DHX36: variants seen among roughly 807,000 people sequenced by gnomAD.
DHX36 encodes the protein ATP-dependent DNA/RNA helicase DHX36.
In DHX36, 50 loss-of-function variants were observed where a neutral mutation model predicts 139.0. That is an observed-to-expected ratio of 0.36 (90% CI 0.29 to 0.46). The LOEUF is 0.46. Among genes scored for constraint, DHX36 ranks in the 20% least tolerant of loss-of-function variants. DHX36 has a pLI of 1.00. For synonymous variants in DHX36, 425 were observed against 401.9 expected, an observed-to-expected ratio of 1.06 and a Z score of -0.69; for missense variants, 1,024 against 1,211.3, an observed-to-expected ratio of 0.85 and a Z score of 2.29.
At chr3:154,288,698 C>A (rs530212542) in intron 17 of DHX36, among the ~76,000 whole-genome samples, 168 bp downstream of exon 17, 1 of 152,198 alleles carries the variant, frequency 6.6e-6, no homozygotes, top group South Asian at 2.1e-4. Context: ...CTTTCTAATG[C>A]CTATCTCATA....
chr3:154,309,762 C>A lies in DHX36; in HGVS notation c.704G>T (p.Gly235Val). Residue 235 changes from glycine (G) to valine (V), a missense_variant, in exon 5 of 25, where the codon GGC becomes GTC. This residue lies in a region of DHX36 where 146 missense variants were observed against 215.0 expected (regional missense o/e 0.68). Transcript: ENST00000496811. ...VTVISGETGC[G>V]KTTQVTQFIL... Reference sequence around the variant, plus strand: ...GAACTGAGTAACTTGAGTGGTTTTGCCACAACCAGTTTCACCACTTATTAC... The same window carrying A: ...GAACTGAGTAACTTGAGTGGTTTTGACACAACCAGTTTCACCACTTATTAC... 6.2e-7 allele frequency: 1 copy of A among 1,612,378 alleles called. No individual in the cohort carries two copies. Among genetic ancestry groups the A allele is most frequent in the Non-Finnish European group, 8.5e-7 (1 of 1,179,172 alleles).
chr3:154,300,064 C>CTT, intron 11 of DHX36, 139 bp from the exon 12 acceptor site: 10 of 502,100 alleles, frequency 2.0e-5, no homozygotes, highest in Admixed American at 3.6e-5. Flanking sequence ...AGTATATAAG[C>CTT]TTTTTTTTTT....
At position 154,289,715 on chromosome 3, in the gene DHX36, T is replaced by C; in HGVS notation, c.1926A>G (p.Gln642=). The change falls in exon 16 of 25, where the codon CAA becomes CAG. Residue 642 remains glutamine, a synonymous_variant. Coordinates refer to ENST00000496811, the MANE Select transcript of DHX36 (RefSeq NM_020865.3). ...ATTCTCCCACCTAATTTACCTTTAT[T>C]TGTAAACAAAGTTCTTCCAAAGGAG... ...LRTPLEELCL[Q]IKILRLGGIA... is the part of the protein sequence containing the mutation. 4 of 1,588,480 alleles carry C rather than the reference T, an allele frequency of 2.5e-6. No individual in the cohort carries two copies. The highest frequency in any genetic ancestry group is 3.5e-6 in the Non-Finnish European group (4 of 1,158,216).
Position 154,276,068 on chromosome 3 carries a change from C to G in DHX36, c.*103G>C, listed in dbSNP as rs879087769. The G allele has an allele frequency of 8.9e-7, 1 of 1,117,390 alleles. No homozygotes were observed. The highest frequency in any genetic ancestry group is 1.6e-5 in the African/African-American group (1 of 63,970). 69.2% of individuals were successfully genotyped at this position (1,117,390 alleles called of 1,614,324 possible). On this transcript the variant is annotated 3_prime_UTR_variant, in exon 25 of 25. Coordinates refer to ENST00000496811, the MANE Select transcript of DHX36 (RefSeq NM_020865.3). Reference sequence around the variant, plus strand: ...ACCTACTGAAGGCTTCTACCTTACACATGAAAATTGTTCATGTCCCAGGGT... The same window carrying G: ...ACCTACTGAAGGCTTCTACCTTACAGATGAAAATTGTTCATGTCCCAGGGT...
chr3:154,314,325 G>A (rs1260362785), intron 3 of DHX36, among the ~76,000 whole-genome samples: 1 of 152,170 alleles, frequency 6.6e-6, no homozygotes, highest in Non-Finnish European at 1.5e-5. Context: ...AGGAAATTCA[G>A]CTTTCATCAG....
chr3:154,298,654 T>C (rs1456895787), intron 12 of DHX36, among the ~76,000 whole-genome samples: 2 of 152,042 alleles, frequency 1.3e-5, no homozygotes, highest in Non-Finnish European at 2.9e-5. Flanking sequence ...TGGTGGCTCA[T>C]GCCTGTAATC....
Position 154,273,948 on chromosome 3 carries a change from G to C in DHX36, c.*2223C>G, listed in dbSNP as rs1719070772. 6.6e-6 allele frequency: 1 copy of C among 152,162 alleles called. No homozygotes were observed. The highest frequency in any genetic ancestry group is 2.4e-5 in the African/African-American group (1 of 41,426). The allele number at this position is 152,162 out of a possible 1,614,324, so 9.4% of individuals were successfully genotyped here. ...TAAAACTCTTACATTGCAAAATCAA[G>C]AGTATAATACTCAGTGATGGATAGT... On this transcript the variant is annotated 3_prime_UTR_variant, in exon 25 of 25. Transcript: ENST00000496811.
intron 15 of DHX36, among the ~76,000 whole-genome samples, chr3:154,291,516 C>G (rs1266889386): frequency 6.6e-6 from 1 of 151,740 alleles, no homozygotes; most frequent in Non-Finnish European, 1.5e-5. Flanking sequence ...TCCCTGATAA[C>G]TGATTATTAG....
At chr3:154,312,873 A>G (rs1712821042) in intron 3 of DHX36, among the ~76,000 whole-genome samples, 1 of 107,766 alleles carries the variant, frequency 9.3e-6, no homozygotes, top group East Asian at 3.7e-4. Context: ...ATATATATAT[A>G]TATATATATA....
At chr3:154,297,709 CAAA>C (rs554782478) in intron 12 of DHX36, among the ~76,000 whole-genome samples, 3 of 90,158 alleles carry the variant, frequency 3.3e-5, no homozygotes, top group African/African-American at 4.2e-5. Flanking sequence ...GACTCCACCT[CAAA>C]AAAAAAAAAA....
rs1713325081 is a variant in DHX36 at position 154,324,385 on chromosome 3, C to T, written c.32G>A (p.Arg11His). The T allele has an allele frequency of 2.0e-5, 32 of 1,582,800 alleles. No individual in the cohort carries two copies. Among genetic ancestry groups the T allele is most frequent in the Non-Finnish European group, 2.8e-5 (32 of 1,161,954 alleles). Residue 11 changes from arginine (R) to histidine (H), a missense_variant, in exon 1 of 25, where the codon CGT becomes CAT. Around this residue, in one of 4 missense-constraint regions of DHX36, gnomAD observed 293 missense variants for 274.4 expected, o/e 1.07. Coordinates refer to ENST00000496811, the MANE Select transcript of DHX36 (RefSeq NM_020865.3). Reference sequence around the variant, plus strand: ...ACCGGAGCTGCGGGGACCCCCATCACGGCCCCAGTTCTGATGGTAGTCATA... The same window carrying T: ...ACCGGAGCTGCGGGGACCCCCATCATGGCCCCAGTTCTGATGGTAGTCATA... MSYDYHQNWG[R>H]DGGPRSSGGG...
At position 154,308,748 on chromosome 3, in the gene DHX36, T is replaced by C. The variant is rs1712612356; in HGVS notation, c.813+905A>G. The stretch of plus-strand genomic sequence containing the variant: ...AACAGTTCTGGATTTGGGAGCATTC[T>C]GGATTTCGTATAGTCAACCTGAACT... On this transcript the variant is annotated intron_variant, in intron 5 of 24. Transcript: ENST00000496811. 2.0e-5 allele frequency among the ~76,000 whole-genome samples: 3 copies of C among 152,308 alleles called. 1 individual carries two copies. In the South Asian group the frequency reaches 6.2e-4, roughly 32 times the overall value.
intron 3 of DHX36, 102 bp downstream of exon 3, chr3:154,314,944 G>T: frequency 1.3e-6 from 1 of 750,036 alleles, no homozygotes; most frequent in Non-Finnish European, 2.2e-6. Context: ...TCTTGTTGAG[G>T]ATCTCACTGA....
rs1381615850 is a variant in DHX36 at position 154,299,596 on chromosome 3, C to A, written c.1549+242G>T. 4.3e-5 allele frequency: 19 copies of A among 439,880 alleles called. No homozygotes were observed. In the Admixed American group the frequency reaches 6.8e-4, roughly 16 times the overall value. The allele number at this position is 439,880 out of a possible 1,614,324, so 27.2% of individuals were successfully genotyped here. ...TCAGAAACACTGGGCCAAGGGATTT[C>A]TTTTTTGCAGCAGTAAGTGAAAAAA... On this transcript the variant is annotated intron_variant, in intron 12 of 24. Transcript: ENST00000496811.
intron 22 of DHX36, among the ~76,000 whole-genome samples, chr3:154,278,305 T>C (rs542981240): frequency 1.3e-5 from 2 of 152,174 alleles, no homozygotes; most frequent in South Asian, 4.1e-4. Context: ...TTTTTTTTGA[T>C]AGTCATACAC....
chr3:154,324,455 C>A lies in DHX36; in HGVS notation c.-39G>T. 1 of 1,447,922 alleles carries A rather than the reference C, an allele frequency of 6.9e-7. No individual in the cohort carries two copies. Among genetic ancestry groups the A allele is most frequent in the Non-Finnish European group, 9.1e-7 (1 of 1,103,612 alleles). 89.7% of individuals were successfully genotyped at this position (1,447,922 alleles called of 1,614,324 possible). ...TACAACCCGTCAGAACCAGCAACCG[C>A]TGGAAATGGCGTCCGGGCCCGGAAG... On this transcript the variant is annotated 5_prime_UTR_variant, in exon 1 of 25. Transcript: ENST00000496811.
rs1576877730 is a variant in DHX36 at position 154,310,018 on chromosome 3, A to G, written c.643-195T>C. Among the ~76,000 whole-genome samples the G allele has an allele frequency of 2.6e-5, 4 of 152,332 alleles. No individual in the cohort carries two copies. The South Asian group carries it at 8.3e-4, about 32-fold the overall frequency. ...GCAAGAGATAAGTGCACCAAATTATAAAGAACAAAGCCAAAGCACTGTTAA... is the reference window on the plus strand; with the variant it reads ...GCAAGAGATAAGTGCACCAAATTATGAAGAACAAAGCCAAAGCACTGTTAA... On this transcript the variant is annotated intron_variant, in intron 4 of 24. Transcript: ENST00000496811.
chr3:154,294,171 T>C (rs1290388117), intron 13 of DHX36, among the ~76,000 whole-genome samples: 1 of 152,118 alleles, frequency 6.6e-6, no homozygotes. Context: ...CAAGTCTCCA[T>C]GGGTAAGAAC....
Position 154,275,773 on chromosome 3 carries a change from CTTAA to C in DHX36, c.*394_*397del, listed in dbSNP as rs1406871573. 13 of 153,278 alleles carry C rather than the reference CTTAA, an allele frequency of 8.5e-5. No homozygotes were observed. The Admixed American group carries it at 8.5e-4, about 10-fold the overall frequency. 9.5% of individuals were successfully genotyped at this position (153,278 alleles called of 1,614,324 possible). On this transcript the variant is annotated 3_prime_UTR_variant, in exon 25 of 25. Transcript: ENST00000496811. The stretch of plus-strand genomic sequence containing the variant: ...TAAAAAATGTGGTTGTGTTCAAATT[CTTAA>C]TTGACACTTGTTTTGGGGTAAACAT...
Sources: gnomAD v4.1 joint callset for allele counts (sites outside exome capture counted in the v4.1 genomes callset) on GRCh38, gnomAD v4.1.1 for gene constraint, gnomAD v4.1.1 regional missense constraint, MANE v1.5 for transcripts, NCBI Gene and HGNC (gene_info 2026-07-23, HGNC 2026-07-21) for gene names.